The following CDKAL1 variants were observed in gnomAD, a reference collection of about 807,000 sequenced individuals.
The protein encoded by CDKAL1 is CDKAL1 threonylcarbamoyladenosine tRNA methylthiotransferase.
Under a neutral mutation model 68.2 loss-of-function variants are expected in CDKAL1, and 32 were observed. The observed-to-expected ratio is 0.47, with a 90% CI of 0.35 to 0.63. The LOEUF (loss-of-function observed/expected upper bound fraction) is 0.63, where lower values mean the gene tolerates loss of function less well. Among genes scored for constraint, CDKAL1 ranks in the 30% least tolerant of loss-of-function variants. The probability of loss-of-function intolerance (pLI) is 0.00; values close to 1 mark genes in which losing one functional copy is unlikely to be tolerated. For synonymous variants in CDKAL1, 234 were observed against 244.3 expected (o/e 0.96, Z 0.39); for missense variants, 606 against 696.7 (o/e 0.87, Z 1.47).
chr6:20,868,855 T>C (rs923674896), intron 9 of CDKAL1, among the ~76,000 whole-genome samples: 2 of 152,014 alleles, frequency 1.3e-5, no homozygotes, highest in Non-Finnish European at 2.9e-5. Context: ...ACTGCAGAGG[T>C]GTATGAAAAT....
At chr6:21,043,372 T>C (rs1028001379) in intron 11 of CDKAL1, among the ~76,000 whole-genome samples, 5 of 152,046 alleles carry the variant, frequency 3.3e-5, no homozygotes, top group African/African-American at 1.2e-4. Context: ...TGTGTATAAA[T>C]GATTCAGTAT....
chr6:21,001,398 TC>T (rs1767422336), intron 11 of CDKAL1, among the ~76,000 whole-genome samples: 1 of 152,170 alleles, frequency 6.6e-6, no homozygotes, highest in Admixed American at 6.5e-5. Flanking sequence ...TTCTTTTTTT[TC>T]CTTTTTCTAT....
intron 11 of CDKAL1, among the ~76,000 whole-genome samples, chr6:21,029,672 T>C (rs1403018112): frequency 6.6e-6 from 1 of 152,152 alleles, no homozygotes; most frequent in Non-Finnish European, 1.5e-5. Context: ...GCGAAGGATA[T>C]GAGCAGACAC....
intron 13 of CDKAL1, among the ~76,000 whole-genome samples, chr6:21,175,253 A>G (rs1777534290): frequency 6.6e-6 from 1 of 152,232 alleles, no homozygotes; most frequent in Non-Finnish European, 1.5e-5. Flanking sequence ...GTGGTATTTT[A>G]TTTTGACGTT....
intron 4 of CDKAL1, among the ~76,000 whole-genome samples, chr6:20,574,029 T>A (rs1346136446): frequency 6.6e-6 from 1 of 152,222 alleles, no homozygotes; most frequent in Non-Finnish European, 1.5e-5. Context: ...TATTATGGTG[T>A]CACTACCTGA....
At chr6:20,821,588 A>G (rs1160232558) in intron 8 of CDKAL1, among the ~76,000 whole-genome samples, 2 of 150,836 alleles carry the variant, frequency 1.3e-5, no homozygotes, top group Admixed American at 6.6e-5. Context: ...AAGCTGCTCA[A>G]GGGCAGGGAT....
At chr6:20,621,069 T>A (rs758776517) in intron 4 of CDKAL1, among the ~76,000 whole-genome samples, 28 of 152,104 alleles carry the variant, frequency 1.8e-4, no homozygotes, top group Non-Finnish European at 3.5e-4. Flanking sequence ...GCCTTTCCAC[T>A]CTACCTTACT....
intron 13 of CDKAL1, among the ~76,000 whole-genome samples, chr6:21,174,739 T>C (rs1323425645): frequency 6.6e-6 from 1 of 151,628 alleles, no homozygotes; most frequent in Non-Finnish European, 1.5e-5. Context: ...TTTAACTATA[T>C]ATATATATAT....
At chr6:20,646,164 C>T (rs1255724594) in intron 4 of CDKAL1, among the ~76,000 whole-genome samples, 1 of 139,954 alleles carries the variant, frequency 7.1e-6, no homozygotes, top group Non-Finnish European at 1.5e-5. Context: ...TCAAGCAATT[C>T]TTCTGCCTCA....
chr6:21,027,264 C>T (rs962060364), intron 11 of CDKAL1, among the ~76,000 whole-genome samples: 4 of 152,128 alleles, frequency 2.6e-5, no homozygotes, highest in Non-Finnish European at 4.4e-5. Flanking sequence ...AAATCTTCTT[C>T]GTCTACTTCA....
At chr6:20,928,453 C>T (rs1763278271) in intron 9 of CDKAL1, among the ~76,000 whole-genome samples, 1 of 152,084 alleles carries the variant, frequency 6.6e-6, no homozygotes, top group Non-Finnish European at 1.5e-5. Flanking sequence ...AAATATCAAA[C>T]CCATGTTGTA....
At chr6:21,143,888 G>A (rs17835633) in intron 13 of CDKAL1, among the ~76,000 whole-genome samples, 22,664 of 152,024 alleles carry the variant, frequency 0.15, 1,890 homozygotes, top group Middle Eastern at 0.23. Flanking sequence ...TGTCTGGATC[G>A]ACTCAGGTTC....
chr6:20,828,163 T>A lies in CDKAL1; in HGVS notation c.639-17912T>A, dbSNP rs1392156388. Among the ~76,000 whole-genome samples the A allele has an allele frequency of 2.6e-5, 4 of 152,166 alleles. No individual in the cohort carries two copies. The East Asian group carries it at 7.7e-4, about 29-fold the overall frequency. ...TATTATATTTAAGCATGGGATTTAG[T>A]TGGCAATCATTATAGGGATAAAACA... On this transcript the variant is annotated intron_variant, in intron 8 of 15. Coordinates refer to ENST00000274695, the MANE Select transcript of CDKAL1 (RefSeq NM_017774.3).
At chr6:21,128,963 G>T (rs1775152348) in intron 13 of CDKAL1, among the ~76,000 whole-genome samples, 1 of 152,176 alleles carries the variant, frequency 6.6e-6, no homozygotes, top group Non-Finnish European at 1.5e-5. Flanking sequence ...TCCTGGGTTT[G>T]AATCTGCCTT....
Position 20,648,647 on chromosome 6 carries a change from T to C in CDKAL1, c.287-646T>C, listed in dbSNP as rs569219657. Among the ~76,000 whole-genome samples the C allele has an allele frequency of 3.3e-5, 5 of 152,348 alleles. No homozygotes were observed. The East Asian group carries it at 7.7e-4, about 23-fold the overall frequency. ...AATTTTGGTTTTCCTTTCTTTATGG[T>C]AATCCTATTTTAATATATAAGATCC... is the stretch of plus-strand genomic sequence containing the variant. On this transcript the variant is annotated intron_variant, in intron 4 of 15. Transcript: ENST00000274695.
intron 13 of CDKAL1, among the ~76,000 whole-genome samples, chr6:21,148,498 A>G (rs1776276807): frequency 6.6e-6 from 1 of 152,240 alleles, no homozygotes; most frequent in African/African-American, 2.4e-5. Context: ...GAAATTCAGA[A>G]GGATTTGTTT....
intron 8 of CDKAL1, among the ~76,000 whole-genome samples, chr6:20,835,843 C>A (rs1261265852): frequency 6.6e-6 from 1 of 152,134 alleles, no homozygotes; most frequent in East Asian, 1.9e-4. Flanking sequence ...AGTCACTGCG[C>A]CTGGCCTGGA....
In CDKAL1 at chr6:20,992,593, T is replaced by A. The variant is rs527984842; in HGVS notation, c.910-7634T>A. Among the ~76,000 whole-genome samples, 11 of 152,290 alleles carry A rather than the reference T, an allele frequency of 7.2e-5. No homozygotes were observed. The Middle Eastern group carries it at 0.01, about 141-fold the overall frequency. On this transcript the variant is annotated intron_variant, in intron 10 of 15. Coordinates refer to ENST00000274695, the MANE Select transcript of CDKAL1 (RefSeq NM_017774.3). ...AATTCTAAATTCCCATGTTTTATTATTTAATTGAAATAAGGCTAGGCATGG... is the reference window on the plus strand; with the variant it reads ...AATTCTAAATTCCCATGTTTTATTAATTAATTGAAATAAGGCTAGGCATGG...
chr6:21,106,493 T>C (rs137898416), intron 12 of CDKAL1, among the ~76,000 whole-genome samples: 55 of 152,330 alleles, frequency 3.6e-4, no homozygotes, highest in Non-Finnish European at 6.2e-4. Context: ...AAAGGATCAC[T>C]TGGGCCCAGG....
Sources: gnomAD v4.1 joint callset for allele counts (sites outside exome capture counted in the v4.1 genomes callset) on GRCh38, gnomAD v4.1.1 for gene constraint, MANE v1.5 for transcripts, NCBI Gene and HGNC (gene_info 2026-07-23, HGNC 2026-07-21) for gene names.